The following USH2A variants were observed in gnomAD, a reference collection of about 807,000 sequenced individuals.
USH2A encodes the protein usherin, also known as Usher syndrome 2A (autosomal recessive, mild).
Under a neutral mutation model 538.9 loss-of-function variants are expected in USH2A, and 443 were observed. The observed-to-expected ratio is 0.82, with a 90% CI of 0.76 to 0.89. The LOEUF (loss-of-function observed/expected upper bound fraction) is 0.89, where lower values mean the gene tolerates loss of function less well. Ranked by LOEUF, USH2A falls within the 40% of genes least tolerant of loss-of-function variation. The probability of loss-of-function intolerance (pLI) is 0.00; values close to 1 mark genes in which losing one functional copy is unlikely to be tolerated. For missense variants in USH2A, 6,633 were observed against 6,324.8 expected, an observed-to-expected ratio of 1.05 and a Z score of -1.65; for synonymous variants, 2,413 against 2,273.5, an observed-to-expected ratio of 1.06 and a Z score of -1.75.
At chr1:215,635,875 T>G (rs1470191808) in intron 69 of USH2A, among the ~76,000 whole-genome samples, 1 of 148,040 alleles carries the variant, frequency 6.8e-6, no homozygotes, top group Non-Finnish European at 1.5e-5. Flanking sequence ...TTAAGTCTTG[T>G]GGGGAAGATA....
At chr1:215,940,679 A>C (rs1268142428) in intron 37 of USH2A, among the ~76,000 whole-genome samples, 3 of 152,136 alleles carry the variant, frequency 2.0e-5, no homozygotes, top group Admixed American at 1.3e-4. Flanking sequence ...TAAATAGCCT[A>C]TGAACCACTA....
intron 13 of USH2A, among the ~76,000 whole-genome samples, chr1:216,232,361 A>G (rs1303491695): frequency 6.6e-6 from 1 of 152,188 alleles, no homozygotes; most frequent in East Asian, 1.9e-4. Context: ...AATTCAATGT[A>G]TTTAAAATCT....
intron 14 of USH2A, among the ~76,000 whole-genome samples, chr1:216,230,010 A>G (rs2035644903): frequency 6.6e-6 from 1 of 152,230 alleles, no homozygotes; most frequent in Non-Finnish European, 1.5e-5. Context: ...CAGGTCACTG[A>G]GCAGGCGTTT....
intron 58 of USH2A, among the ~76,000 whole-genome samples, chr1:215,743,674 G>T (rs970014789): frequency 6.6e-6 from 1 of 151,198 alleles, no homozygotes; most frequent in Non-Finnish European, 1.5e-5. Context: ...ACAGAAATTA[G>T]CCGGGCATAG....
Position 215,674,786 on chromosome 1 carries a change from A to G in USH2A, c.13125T>C (p.Cys4375=). 1 of 1,614,190 alleles carries G rather than the reference A, an allele frequency of 6.2e-7. No homozygotes were observed. Among genetic ancestry groups the G allele is most frequent in the Non-Finnish European group, 8.5e-7 (1 of 1,180,034 alleles). ...WAVSATQMNV[C]WSPPTVQNGK... ...CATTTTGCACTGTGGGCGGTGACCA[A>G]CATACATTCATTTGAGTGGCACTGA... Residue 4375 remains cysteine (C), a synonymous_variant, in exon 63 of 72, where the codon TGT becomes TGC. Coordinates refer to ENST00000307340, the MANE Select transcript of USH2A (RefSeq NM_206933.4).
chr1:215,967,808 T>A (rs1667390197), intron 36 of USH2A, among the ~76,000 whole-genome samples: 1 of 152,056 alleles, frequency 6.6e-6, no homozygotes, highest in African/African-American at 2.4e-5. Flanking sequence ...CCAGGTGTAT[T>A]TATCTGTATA....
In USH2A at chr1:215,813,832, C is replaced by T. The variant is rs1662774466; in HGVS notation, c.9643G>A (p.Val3215Ile). The T allele has an allele frequency of 6.2e-7, 1 of 1,613,930 alleles. No homozygotes were observed. Among genetic ancestry groups the T allele is most frequent in the South Asian group, 1.1e-5 (1 of 91,080 alleles). Residue 3215 changes from valine to isoleucine, a missense_variant, in exon 49 of 72, where the codon GTT (valine) becomes ATT (isoleucine). By Grantham distance (29) the Val-to-Ile change is conservative (BLOSUM62 3). Coordinates refer to ENST00000307340, the MANE Select transcript of USH2A (RefSeq NM_206933.4). ...RCCEEKYIPF[V>I]LNSTGVCCGG... ...CAACAAACTCCAGTAGAATTCAGAA[C>T]AAACGGGATATACTTTTCTTCACAA...
intron 11 of USH2A, among the ~76,000 whole-genome samples, chr1:216,264,239 G>A (rs1449517813): frequency 2.0e-5 from 3 of 151,348 alleles, no homozygotes. Context: ...ATTCTTCACA[G>A]AAATAGAAGA....
chr1:216,294,085 T>C (rs1425812263), intron 9 of USH2A, among the ~76,000 whole-genome samples: 1 of 152,200 alleles, frequency 6.6e-6, no homozygotes, highest in Non-Finnish European at 1.5e-5. Flanking sequence ...TGTTATGTAC[T>C]GGAACAAATA....
rs1553249303 is a variant in USH2A at position 215,639,212 on chromosome 1, T to C, written c.14995A>G (p.Thr4999Ala). 6.2e-7 allele frequency: 1 copy of C among 1,614,114 alleles called. No individual in the cohort carries two copies. The highest frequency in any genetic ancestry group is 1.7e-5 in the Admixed American group (1 of 60,004). Reference sequence around the variant, plus strand: ...GGCGTCTTAACACTTCCTTCGTCAGTCGTGCAGATGACCTGGAAAAAGAAG... The same window carrying C: ...GGCGTCTTAACACTTCCTTCGTCAGCCGTGCAGATGACCTGGAAAAAGAAG... ...KTFFFQVICT[T>A]DEGSVKTPLI... The change falls in exon 69 of 72, where the codon ACT becomes GCT. Residue 4999 changes from threonine (T) to alanine (A), a missense_variant. By Grantham distance (58) the Thr-to-Ala change is moderately conservative. Transcript: ENST00000307340.
intron 11 of USH2A, among the ~76,000 whole-genome samples, chr1:216,252,821 C>T (rs1034537321): frequency 7.2e-5 from 11 of 152,098 alleles, no homozygotes; most frequent in African/African-American, 2.4e-4. Flanking sequence ...ATTCAGCCTA[C>T]AAAAATAGAT....
intron 2 of USH2A, among the ~76,000 whole-genome samples, chr1:216,421,248 A>G (rs1366995435): frequency 1.3e-5 from 2 of 152,152 alleles, no homozygotes; most frequent in East Asian, 3.9e-4. Flanking sequence ...ACTTACCTAC[A>G]TATTTCCTAA....
rs772818417 is a variant in USH2A at position 215,623,694 on chromosome 1, TA to T, written c.*2086del. 1.6e-4 allele frequency: 24 copies of T among 152,168 alleles called. No homozygotes were observed. Among genetic ancestry groups the T allele is most frequent in the Non-Finnish European group, 3.4e-4 (23 of 68,024 alleles). 9.4% of individuals were successfully genotyped at this position (152,168 alleles called of 1,614,324 possible). The stretch of plus-strand genomic sequence containing the variant: ...TGATTCAGCTAACTGAGTTCATGTC[TA>T]ATTAGATGATTAAATGGATAATGAT... On this transcript the variant is annotated 3_prime_UTR_variant, in exon 72 of 72. Transcript: ENST00000307340.
At position 215,782,793 on chromosome 1, in the gene USH2A, T is replaced by G. The variant is rs1173611275; in HGVS notation, c.10530A>C (p.Ile3510=). The change falls in exon 53 of 72, where the codon ATA becomes ATC. Residue 3510 remains isoleucine, a synonymous_variant. Coordinates refer to ENST00000307340, the MANE Select transcript of USH2A (RefSeq NM_206933.4). ...QGVSPPTWTK[I]DNLEDTIVLN... is the part of the protein sequence containing the mutation. Reference sequence around the variant, plus strand: ...AGACAATTGTATCTTCAAGATTGTCTATTTTGGTCCACGTAGGGGGACTCA... The same window carrying G: ...AGACAATTGTATCTTCAAGATTGTCGATTTTGGTCCACGTAGGGGGACTCA... 1 of 1,614,060 alleles carries G rather than the reference T, an allele frequency of 6.2e-7. No homozygotes were observed. Among genetic ancestry groups the G allele is most frequent in the Admixed American group, 1.7e-5 (1 of 60,000 alleles).
intron 4 of USH2A, among the ~76,000 whole-genome samples, chr1:216,335,597 A>T (rs1443151372): frequency 6.6e-6 from 1 of 151,586 alleles, no homozygotes; most frequent in Non-Finnish European, 1.5e-5. Context: ...GGGAAATTAC[A>T]ACTGACTTTG....
intron 9 of USH2A, among the ~76,000 whole-genome samples, chr1:216,299,454 TA>T (rs1253812580): frequency 1.3e-5 from 2 of 152,138 alleles, no homozygotes; most frequent in African/African-American, 4.8e-5. Context: ...ACAGGTTTAC[TA>T]ATAATAACAA....
At chr1:216,328,619 T>G (rs1005307198) in intron 4 of USH2A, among the ~76,000 whole-genome samples, 1 of 152,080 alleles carries the variant, frequency 6.6e-6, no homozygotes, top group Non-Finnish European at 1.5e-5. Context: ...TTAAAGAATG[T>G]TTGATTTATG....
chr1:216,084,044 G>A lies in USH2A; in HGVS notation c.5168-458C>T, dbSNP rs562752354. Among the ~76,000 whole-genome samples the A allele has an allele frequency of 1.3e-4, 20 of 152,166 alleles. No homozygotes were observed. The East Asian group carries it at 3.9e-3, about 29-fold the overall frequency. ...AGCTGTAAATATAGGAGGCAGTGATGGGCTTTTATTTGATGAACAAGCCGG... is the reference window on the plus strand; with the variant it reads ...AGCTGTAAATATAGGAGGCAGTGATAGGCTTTTATTTGATGAACAAGCCGG... On this transcript the variant is annotated intron_variant, in intron 25 of 71. Coordinates refer to ENST00000307340, the MANE Select transcript of USH2A (RefSeq NM_206933.4).
intron 41 of USH2A, 32 bp from the exon 42 acceptor site, chr1:215,879,130 GACGA>G: frequency 6.3e-7 from 1 of 1,578,800 alleles, no homozygotes; most frequent in Non-Finnish European, 8.7e-7. Flanking sequence ...GAATCAGTGT[GACGA>G]TACAGGAATA....
Sources: gnomAD v4.1 joint callset for allele counts (sites outside exome capture counted in the v4.1 genomes callset) on GRCh38, gnomAD v4.1.1 for gene constraint, MANE v1.5 for transcripts, NCBI Gene and HGNC (gene_info 2026-07-23, HGNC 2026-07-21) for gene names.